Variants in SLC35F3 observed in about 807,000 individuals in gnomAD.
SLC35F3 encodes the protein putative thiamine transporter SLC35F3.
SLC35F3 carries 25 observed loss-of-function variants against 49.9 expected under a neutral mutation model. That is an observed-to-expected ratio of 0.50 (90% confidence interval 0.37 to 0.70). SLC35F3 has a LOEUF of 0.70. SLC35F3 is among the 30% of genes least tolerant of loss of function. SLC35F3 has a pLI of 0.00. For missense variants in SLC35F3, 525 were observed against 639.8 expected (o/e 0.82, Z 1.94); for synonymous variants, 275 against 265.4 (o/e 1.04, Z -0.35).
At chr1:233,953,339 C>T (rs936301057) in intron 2 of SLC35F3, among the ~76,000 whole-genome samples, 5 of 152,038 alleles carry the variant, frequency 3.3e-5, no homozygotes, top group Non-Finnish European at 5.9e-5. Flanking sequence ...ACATAATAAA[C>T]GGGACTATGG....
chr1:234,080,670 A>G (rs1664861627), intron 2 of SLC35F3, among the ~76,000 whole-genome samples: 1 of 152,226 alleles, frequency 6.6e-6, no homozygotes, highest in Non-Finnish European at 1.5e-5. Context: ...ACAAAACTAC[A>G]AAATGTACGA....
intron 4 of SLC35F3, 129 bp from the exon 5 acceptor site, chr1:234,316,473 A>G: frequency 7.9e-7 from 1 of 1,264,702 alleles, no homozygotes; most frequent in Non-Finnish European, 1.1e-6. Context: ...CCAAGGAGGA[A>G]CAAAAAGGAG....
At chr1:234,016,451 G>T (rs1239243185) in intron 2 of SLC35F3, among the ~76,000 whole-genome samples, 1 of 152,118 alleles carries the variant, frequency 6.6e-6, no homozygotes, top group African/African-American at 2.4e-5. Context: ...GCATGATGAG[G>T]TACTATTCAG....
intron 2 of SLC35F3, among the ~76,000 whole-genome samples, chr1:233,926,279 G>A (rs1334493875): frequency 6.6e-6 from 1 of 152,154 alleles, no homozygotes. Flanking sequence ...CCAATCAGAT[G>A]TAAATTTGGT....
At chr1:234,281,806 C>CGA (rs1668330792) in intron 3 of SLC35F3, among the ~76,000 whole-genome samples, 1 of 152,006 alleles carries the variant, frequency 6.6e-6, no homozygotes, top group Non-Finnish European at 1.5e-5. Flanking sequence ...TCAACCGTAT[C>CGA]GAGCTTATGT....
At position 234,219,950 on chromosome 1, in the gene SLC35F3, C is replaced by T. The variant is rs183436476; in HGVS notation, c.284-11467C>T. Among the ~76,000 whole-genome samples the T allele has an allele frequency of 2.0e-5, 3 of 152,228 alleles. No homozygotes were observed. The East Asian group carries it at 5.8e-4, about 29-fold the overall frequency. ...AAGGCGCAGAGCTAGGAGAGGGTGG[C>T]GCTGGGAGACCAGCAGGCAGTCTAC... On this transcript the variant is annotated intron_variant, in intron 2 of 7. Transcript: ENST00000366618.
chr1:234,308,071 G>A (rs1241986991), intron 3 of SLC35F3, among the ~76,000 whole-genome samples: 3 of 152,086 alleles, frequency 2.0e-5, no homozygotes, highest in African/African-American at 4.8e-5. Context: ...TTCTACAGAT[G>A]TTTCCTCATC....
intron 2 of SLC35F3, among the ~76,000 whole-genome samples, chr1:234,111,040 CA>C (rs1300317146): frequency 6.6e-6 from 1 of 151,624 alleles, no homozygotes; most frequent in African/African-American, 2.4e-5. Context: ...GATTTTAGAA[CA>C]TTGTTATAGG....
intron 2 of SLC35F3, among the ~76,000 whole-genome samples, chr1:234,160,729 A>T (rs1461913522): frequency 2.0e-5 from 3 of 152,058 alleles, no homozygotes; most frequent in Non-Finnish European, 2.9e-5. Flanking sequence ...CAAATGATTG[A>T]CTAGCCAACA....
chr1:234,171,178 T>C (rs1666395465), intron 2 of SLC35F3, among the ~76,000 whole-genome samples: 1 of 152,196 alleles, frequency 6.6e-6, no homozygotes, highest in Non-Finnish European at 1.5e-5. Flanking sequence ...AATCAGAAGC[T>C]GGAGTGGGGC....
intron 2 of SLC35F3, among the ~76,000 whole-genome samples, chr1:233,978,883 T>C (rs958164038): frequency 6.6e-6 from 1 of 151,480 alleles, no homozygotes; most frequent in Non-Finnish European, 1.5e-5. Context: ...ATACAAAAAT[T>C]AGTATTTTTA....
Position 234,013,911 on chromosome 1 carries a change from A to T in SLC35F3, c.283+108153A>T, listed in dbSNP as rs962529815. On this transcript the variant is annotated intron_variant, in intron 2 of 7. Coordinates refer to ENST00000366618, the MANE Select transcript of SLC35F3 (RefSeq NM_173508.4). Reference sequence around the variant, plus strand: ...CTGCTGAATTCTGTCAAATATTTTTAAAAATAATACCAATCTTTCTTAAAC... The same window carrying T: ...CTGCTGAATTCTGTCAAATATTTTTTAAAATAATACCAATCTTTCTTAAAC... Among the ~76,000 whole-genome samples, 3 of 152,076 alleles carry T rather than the reference A, an allele frequency of 2.0e-5. No homozygotes were observed. In the South Asian group the frequency reaches 6.2e-4, roughly 31 times the overall value.
At chr1:234,217,698 G>A (rs1391658781) in intron 2 of SLC35F3, among the ~76,000 whole-genome samples, 2 of 151,950 alleles carry the variant, frequency 1.3e-5, no homozygotes, top group Non-Finnish European at 2.9e-5. Flanking sequence ...GAGAAGGAGG[G>A]CTTCTAAGGA....
intron 2 of SLC35F3, among the ~76,000 whole-genome samples, chr1:234,058,069 T>C (rs1664481318): frequency 6.6e-6 from 1 of 152,140 alleles, no homozygotes. Context: ...ATATAATATT[T>C]GTTATGGGTT....
intron 2 of SLC35F3, among the ~76,000 whole-genome samples, chr1:234,169,647 C>T (rs1283396103): frequency 2.0e-5 from 3 of 152,182 alleles, no homozygotes; most frequent in African/African-American, 7.2e-5. Context: ...ACCTGCTCCA[C>T]AGGAAGTCCA....
intron 2 of SLC35F3, among the ~76,000 whole-genome samples, chr1:234,148,794 A>T (rs548431072): frequency 6.6e-6 from 1 of 152,286 alleles, no homozygotes; most frequent in South Asian, 2.1e-4. Context: ...TGGATTAAAG[A>T]TATTGCTTGG....
chr1:233,958,679 G>C (rs1662745226), intron 2 of SLC35F3, among the ~76,000 whole-genome samples: 1 of 152,224 alleles, frequency 6.6e-6, no homozygotes, highest in Non-Finnish European at 1.5e-5. Context: ...GTAAGAGCAA[G>C]TATTATTAGT....
chr1:234,227,898 T>C (rs1183337232), intron 2 of SLC35F3, among the ~76,000 whole-genome samples: 1 of 152,248 alleles, frequency 6.6e-6, no homozygotes, highest in African/African-American at 2.4e-5. Flanking sequence ...GGCCAGTTCA[T>C]TGAAAATGAC....
intron 3 of SLC35F3, among the ~76,000 whole-genome samples, chr1:234,278,993 CG>C (rs149533703): frequency 0.06 from 9,172 of 152,202 alleles, 333 homozygotes; most frequent in African/African-American, 0.098. Context: ...GAAGGATGTG[CG>C]CTCCTGACAG....
Sources: gnomAD v4.1 joint callset for allele counts (sites outside exome capture counted in the v4.1 genomes callset) on GRCh38, gnomAD v4.1.1 for gene constraint, MANE v1.5 for transcripts, NCBI Gene and HGNC (gene_info 2026-07-23, HGNC 2026-07-21) for gene names.